ZNF516: variants seen among roughly 807,000 people sequenced by gnomAD.
ZNF516 encodes zinc finger protein 516.
In ZNF516, 19 loss-of-function variants were observed where a neutral mutation model predicts 79.7. The observed-to-expected ratio is 0.24, with a 90% CI of 0.17 to 0.35. The LOEUF (loss-of-function observed/expected upper bound fraction) is 0.35, where lower values mean the gene tolerates loss of function less well. Among genes scored for constraint, ZNF516 ranks in the 10% least tolerant of loss-of-function variants. The pLI is 1.00. For synonymous variants in ZNF516, 877 were observed against 739.5 expected (o/e 1.19, Z -3.02); for missense variants, 1,678 against 1,679.5 (o/e 1.00, Z 0.02).
intron 1 of ZNF516, among the ~76,000 whole-genome samples, chr18:76,476,884 G>T (rs1913382988): frequency 6.6e-6 from 1 of 152,154 alleles, no homozygotes; most frequent in Non-Finnish European, 1.5e-5. Flanking sequence ...ACTTGCTACG[G>T]AGGCTTAAAT....
At chr18:76,491,554 G>GGGGGGCC (rs1380160482) in intron 1 of ZNF516, 1 of 149,242 alleles carries the variant, frequency 6.7e-6, no homozygotes, top group Non-Finnish European at 1.5e-5. Context: ...GGCGGGGGGC[G>GGGGGGCC]GGGGGCGGGC....
At chr18:76,398,504 T>C (rs186554093) in intron 3 of ZNF516, among the ~76,000 whole-genome samples, 8 of 152,300 alleles carry the variant, frequency 5.3e-5, no homozygotes, top group Admixed American at 5.2e-4. Context: ...TGGCGGGGAC[T>C]GTCGGGAAGA....
In ZNF516 at chr18:76,362,220, A is replaced by C; in HGVS notation, c.*278T>G. The C allele has an allele frequency of 2.7e-6, 1 of 367,494 alleles. No individual in the cohort carries two copies. The highest frequency in any genetic ancestry group is 4.1e-5 in the East Asian group (1 of 24,212). 22.8% of individuals were successfully genotyped at this position (367,494 alleles called of 1,614,324 possible). On this transcript the variant is annotated 3_prime_UTR_variant, in exon 7 of 7. Coordinates refer to ENST00000443185, the MANE Select transcript of ZNF516 (RefSeq NM_014643.4). ...GTACTACTGTTTATTATAAGAAAAT[A>C]TGGGACTATGGACGATGAGCACGTA...
At chr18:76,378,168 A>G (rs1208063510) in intron 4 of ZNF516, 1 of 152,276 alleles carries the variant, frequency 6.6e-6, no homozygotes, top group African/African-American at 2.4e-5. Context: ...GGGGCACCGC[A>G]TGCAGTGCGC....
At position 76,380,100 on chromosome 18, in the gene ZNF516, C is replaced by A; in HGVS notation, c.2014G>T (p.Asp672Tyr). The A allele has an allele frequency of 6.2e-7, 1 of 1,613,900 alleles. No individual in the cohort carries two copies. Among genetic ancestry groups the A allele is most frequent in the South Asian group, 1.1e-5 (1 of 91,080 alleles). Residue 672 changes from aspartate to tyrosine, a missense_variant, in exon 4 of 7, where the codon GAC (aspartate) becomes TAC (tyrosine). Around this residue, in one of 5 missense-constraint regions of ZNF516, gnomAD observed 1,294 missense variants for 1,248.3 expected, o/e 1.04. Coordinates refer to ENST00000443185, the MANE Select transcript of ZNF516 (RefSeq NM_014643.4). The part of the protein sequence containing the change: ...RRQEQHRFSM[D>Y]LKMPAFHPKQ... ...GGGTGAAATGCTGGCATCTTTAAGT[C>A]CATAGAAAATCTGTGCTGCTCTTGC...
chr18:76,477,536 C>CG (rs893111034), intron 1 of ZNF516, among the ~76,000 whole-genome samples: 20 of 152,106 alleles, frequency 1.3e-4, no homozygotes, highest in Non-Finnish European at 2.5e-4. Flanking sequence ...TCGTTCTGTC[C>CG]GGGGAAAAAC....
intron 1 of ZNF516, among the ~76,000 whole-genome samples, chr18:76,471,547 C>T (rs534307938): frequency 2.6e-5 from 4 of 152,290 alleles, no homozygotes; most frequent in Admixed American, 2.6e-4. Flanking sequence ...CTCTGACCTG[C>T]GGTGGGCCCA....
chr18:76,455,011 G>A (rs181596156), intron 2 of ZNF516, among the ~76,000 whole-genome samples: 8 of 152,106 alleles, frequency 5.3e-5, no homozygotes, highest in East Asian at 1.9e-4. Context: ...GCCAACCCCC[G>A]CCCCATCCCC....
At chr18:76,450,350 A>G (rs995073116) in intron 2 of ZNF516, among the ~76,000 whole-genome samples, 1 of 66,072 alleles carries the variant, frequency 1.5e-5, no homozygotes, top group African/African-American at 5.7e-5. Flanking sequence ...CCCCTCCCCC[A>G]CTCCCCACCC....
In ZNF516 at chr18:76,467,634, T is replaced by C. The variant is rs4891023; in HGVS notation, c.-271-4493A>G. Among the ~76,000 whole-genome samples the C allele has an allele frequency of 0.35, 52,764 of 152,002 alleles. 10,062 individuals are homozygous for C. The highest frequency in any genetic ancestry group is 0.49 in the East Asian group (2,542 of 5,162). ...GGAGTCCCTGCTGCTCCTTCCTAAC[T>C]GGGATCTTGAGAAAGACAACAGCCC... is the stretch of plus-strand genomic sequence containing the variant. On this transcript the variant is annotated intron_variant, in intron 1 of 6. Coordinates refer to ENST00000443185, the MANE Select transcript of ZNF516 (RefSeq NM_014643.4). The surrounding 1 kb of genome is among the most constrained non-coding windows in gnomAD (Gnocchi z 4.2).
At chr18:76,399,690 G>A (rs796259218) in intron 3 of ZNF516, among the ~76,000 whole-genome samples, 34 of 152,236 alleles carry the variant, frequency 2.2e-4, no homozygotes, top group African/African-American at 7.9e-4. Context: ...CTCTAGACTC[G>A]AGGTCCACAG....
rs776006926 is a variant in ZNF516 at position 76,442,137 on chromosome 18, G to C, written c.918C>G (p.Asn306Lys). 2 of 1,613,956 alleles carry C rather than the reference G, an allele frequency of 1.2e-6. No individual in the cohort carries two copies. The highest frequency in any genetic ancestry group is 1.1e-5 in the South Asian group (1 of 91,088). Reference protein sequence around the residue: ...KAHGPKTGSKNRPKSELDPIA... With the variant: ...KAHGPKTGSKKRPKSELDPIA... ...TGGGGTCCAGCTCACTCTTGGGCCTGTTCTTGCTGCCCGTCTTGGGGCCGT... is the reference window on the plus strand; with the variant it reads ...TGGGGTCCAGCTCACTCTTGGGCCTCTTCTTGCTGCCCGTCTTGGGGCCGT... Residue 306 changes from asparagine to lysine, a missense_variant, in exon 3 of 7, where the codon AAC (asparagine) becomes AAG (lysine). Physicochemically the swap from Asn to Lys is moderately conservative, Grantham distance 94. This residue lies in a region of ZNF516 where 1,294 missense variants were observed against 1,248.3 expected (regional missense o/e 1.04). Transcript: ENST00000443185.
chr18:76,446,226 C>T (rs1912043631), intron 2 of ZNF516, among the ~76,000 whole-genome samples: 1 of 152,164 alleles, frequency 6.6e-6, no homozygotes, highest in African/African-American at 2.4e-5. Flanking sequence ...CTATAAAATC[C>T]AGTGACCCCC....
At chr18:76,399,249 A>G (rs2075186289) in intron 3 of ZNF516, among the ~76,000 whole-genome samples, 1 of 152,262 alleles carries the variant, frequency 6.6e-6, no homozygotes, top group African/African-American at 2.4e-5. Flanking sequence ...ATCAGGACAA[A>G]TGCAAAATGC....
intron 3 of ZNF516, among the ~76,000 whole-genome samples, chr18:76,392,479 A>G (rs1487699264): frequency 2.0e-5 from 3 of 152,044 alleles, no homozygotes; most frequent in Admixed American, 1.3e-4. Context: ...AGACCAGGAA[A>G]GCAGGAGGCC....
chr18:76,421,556 G>A (rs1268020557), intron 3 of ZNF516, among the ~76,000 whole-genome samples: 2 of 152,226 alleles, frequency 1.3e-5, no homozygotes, highest in Non-Finnish European at 2.9e-5. Context: ...CACAGAACCT[G>A]CTAGACAACT....
At chr18:76,439,457 A>G (rs896192453) in intron 3 of ZNF516, among the ~76,000 whole-genome samples, 2 of 152,262 alleles carry the variant, frequency 1.3e-5, no homozygotes, top group Non-Finnish European at 2.9e-5. Context: ...ACATTCAACT[A>G]TGATACATGT....
intron 6 of ZNF516, 28 bp from the exon 7 acceptor site, chr18:76,362,585 G>A (rs1003731475): frequency 6.3e-7 from 1 of 1,593,806 alleles, no homozygotes; most frequent in Admixed American, 1.7e-5. Context: ...AAGAACAGGA[G>A]AAAAGCTCAT....
intron 3 of ZNF516, among the ~76,000 whole-genome samples, chr18:76,422,028 C>A (rs1185264919): frequency 6.6e-6 from 1 of 152,100 alleles, no homozygotes; most frequent in Non-Finnish European, 1.5e-5. Context: ...TGAGTATTAT[C>A]GTTATTTTAA....
Sources: gnomAD v4.1 joint callset for allele counts (sites outside exome capture counted in the v4.1 genomes callset) on GRCh38, gnomAD v4.1.1 for gene constraint, gnomAD v4.1.1 regional missense constraint, Gnocchi (gnomAD v3.1) non-coding constraint, MANE v1.5 for transcripts, NCBI Gene and HGNC (gene_info 2026-07-23, HGNC 2026-07-21) for gene names.